Variants in TRAK1 observed in about 807,000 individuals in gnomAD.
The protein encoded by TRAK1 is trafficking kinesin protein 1.
A neutral mutation model predicts 92.1 loss-of-function variants in TRAK1; 33 were observed. The ratio of observed to expected loss-of-function variants is 0.36; its 90% CI spans 0.27 to 0.48. TRAK1 has a LOEUF of 0.48. Ranked by LOEUF, TRAK1 falls within the 20% of genes least tolerant of loss-of-function variation. The probability of loss-of-function intolerance (pLI) is 0.99; values close to 1 mark genes in which losing one functional copy is unlikely to be tolerated. For missense variants in TRAK1, 1,123 were observed against 1,257.9 expected (o/e 0.89, Z 1.62); for synonymous variants, 521 against 517.3 (o/e 1.01, Z -0.10).
At chr3:42,180,014 A>G (rs1320152252) in intron 3 of TRAK1, among the ~76,000 whole-genome samples, 3 of 152,092 alleles carry the variant, frequency 2.0e-5, no homozygotes, top group African/African-American at 7.2e-5. Flanking sequence ...TGTTGGGATT[A>G]CAGACATAAG....
chr3:42,074,492 G>A (rs1021967115), intron 1 of TRAK1, among the ~76,000 whole-genome samples: 2 of 152,200 alleles, frequency 1.3e-5, no homozygotes, highest in African/African-American at 4.8e-5. Context: ...CCCTTCATGA[G>A]CGAGCTGGCC....
intron 1 of TRAK1, among the ~76,000 whole-genome samples, chr3:42,069,443 A>G (rs1703820913): frequency 6.6e-6 from 1 of 152,078 alleles, no homozygotes; most frequent in African/African-American, 2.4e-5. Context: ...AGTACCTAAT[A>G]AGGAGGTAAC....
At chr3:42,050,176 A>C (rs1702922763) in intron 1 of TRAK1, among the ~76,000 whole-genome samples, 2 of 128,422 alleles carry the variant, frequency 1.6e-5, no homozygotes, top group African/African-American at 5.8e-5. Context: ...GGGGAAGGGA[A>C]CTGAGGGTGG....
At chr3:42,195,167 C>T (rs1353833030) in intron 10 of TRAK1, among the ~76,000 whole-genome samples, 3 of 152,188 alleles carry the variant, frequency 2.0e-5, no homozygotes, top group African/African-American at 7.2e-5. Flanking sequence ...CTTTTCTACT[C>T]CTGCCATTAA....
intron 1 of TRAK1, among the ~76,000 whole-genome samples, chr3:42,114,498 A>G (rs994781193): frequency 2.6e-4 from 40 of 152,158 alleles, no homozygotes; most frequent in African/African-American, 9.4e-4. Flanking sequence ...CCCAGGTGCA[A>G]TTACTGGTTT....
At chr3:42,116,662 G>A (rs1240607092) in intron 1 of TRAK1, among the ~76,000 whole-genome samples, 2 of 152,188 alleles carry the variant, frequency 1.3e-5, no homozygotes, top group Non-Finnish European at 2.9e-5. Context: ...TGCAGTCACT[G>A]CCATGGGTAA....
At chr3:42,150,088 G>C (rs1027969759) in intron 2 of TRAK1, among the ~76,000 whole-genome samples, 1 of 152,082 alleles carries the variant, frequency 6.6e-6, no homozygotes, top group Non-Finnish European at 1.5e-5. Flanking sequence ...ACCATCAGAG[G>C]CTGGAGAAAA....
intron 1 of TRAK1, among the ~76,000 whole-genome samples, chr3:42,026,800 C>T (rs1576114111): frequency 6.6e-6 from 1 of 152,176 alleles, no homozygotes; most frequent in African/African-American, 2.4e-5. Context: ...GCTGGGATTA[C>T]AGGCGTGAGC....
intron 14 of TRAK1, chr3:42,219,041 A>G: frequency 1.0e-6 from 1 of 985,430 alleles, no homozygotes; most frequent in Non-Finnish European, 1.2e-6. Flanking sequence ...TGCAGGTTTC[A>G]AGTGCCTCTC....
chr3:42,208,631 C>T (rs1708611688), intron 13 of TRAK1, among the ~76,000 whole-genome samples: 1 of 152,246 alleles, frequency 6.6e-6, no homozygotes, highest in Non-Finnish European at 1.5e-5. Flanking sequence ...CCAGTGGTGA[C>T]TGCCCGAGCA....
At chr3:42,083,646 A>C (rs1285772871), upstream of TRAK1, among the ~76,000 whole-genome samples, 1 of 152,184 alleles carries the variant, frequency 6.6e-6, no homozygotes, top group African/African-American at 2.4e-5. Flanking sequence ...AGGCCAAGGC[A>C]GGTGGATCAC....
chr3:42,193,924 A>G, intron 9 of TRAK1, 26 bp downstream of exon 9: 7 of 1,608,362 alleles, frequency 4.4e-6, no homozygotes, highest in Non-Finnish European at 5.9e-6. Flanking sequence ...TCATTCCTTC[A>G]GTGCCTCTGA....
At chr3:42,030,665 T>C (rs1702097226) in intron 1 of TRAK1, among the ~76,000 whole-genome samples, 2 of 105,716 alleles carry the variant, frequency 1.9e-5, no homozygotes, top group African/African-American at 4.0e-5. Context: ...AGAGGGAGAC[T>C]CCATCTCAAA....
At chr3:42,026,034 G>C (rs925143267) in intron 1 of TRAK1, among the ~76,000 whole-genome samples, 4 of 149,424 alleles carry the variant, frequency 2.7e-5, no homozygotes, top group African/African-American at 9.9e-5. Flanking sequence ...TTCTTTCTCC[G>C]TTTATCTTTC....
At chr3:42,192,985 T>C (rs1706037409) in intron 7 of TRAK1, 90 bp from the exon 8 acceptor site, 1 of 1,545,476 alleles carries the variant, frequency 6.5e-7, no homozygotes, top group Non-Finnish European at 8.7e-7. Flanking sequence ...GGATGGTTTT[T>C]CTTGTGCAAA....
At chr3:42,142,047 G>A (rs1182825157) in intron 2 of TRAK1, among the ~76,000 whole-genome samples, 5 of 152,118 alleles carry the variant, frequency 3.3e-5, no homozygotes, top group African/African-American at 4.8e-5. Flanking sequence ...CAGGGGAATC[G>A]CTTGAACCTG....
intron 10 of TRAK1, among the ~76,000 whole-genome samples, chr3:42,197,584 G>A (rs777568526): frequency 6.6e-6 from 1 of 152,146 alleles, no homozygotes; most frequent in Non-Finnish European, 1.5e-5. Flanking sequence ...TTCTCTATTT[G>A]TAAATTATGT....
rs1238759916 is a variant in TRAK1 at position 42,091,555 on chromosome 3, C to A, written c.86C>A (p.Ala29Asp). The part of the protein sequence containing the change: ...LCHGKLIRTN[A>D]CDVCNSTDLP... ...CACGGCAAGCTCATTCGGACAAACG[C>A]CTGTGGTAAGTTTGTTTGCCAGGTC... The change falls in exon 1 of 16, where the codon GCC becomes GAC. Residue 29 changes from alanine (A) to aspartate (D), a missense_variant. Physicochemically the swap from Ala to Asp is moderately radical, Grantham distance 126. Transcript: ENST00000327628. 2 of 1,611,684 alleles carry A rather than the reference C, an allele frequency of 1.2e-6. No individual in the cohort carries two copies. Among genetic ancestry groups the A allele is most frequent in the Non-Finnish European group, 1.7e-6 (2 of 1,179,342 alleles).
At chr3:42,082,640 A>G (rs1704491428), upstream of TRAK1, among the ~76,000 whole-genome samples, 1 of 151,654 alleles carries the variant, frequency 6.6e-6, no homozygotes, top group South Asian at 2.1e-4. Context: ...AAATCTTTAC[A>G]TATTAGAGCC....
Sources: gnomAD v4.1 joint callset for allele counts (sites outside exome capture counted in the v4.1 genomes callset) on GRCh38, gnomAD v4.1.1 for gene constraint, MANE v1.5 for transcripts, NCBI Gene and HGNC (gene_info 2026-07-23, HGNC 2026-07-21) for gene names.